OPALIN: variants seen among roughly 807,000 people sequenced by gnomAD.
OPALIN encodes oligodendrocytic myelin paranodal and inner loop protein, also known as transmembrane protein 10.
OPALIN carries 15 observed loss-of-function variants against 17.8 expected under a neutral mutation model. The ratio of observed to expected loss-of-function variants is 0.84; its 90% CI spans 0.56 to 1.29. The LOEUF (loss-of-function observed/expected upper bound fraction) is 1.29. OPALIN is among the 50% of genes most tolerant of loss of function. The pLI is 0.00. For synonymous variants in OPALIN, 62 were observed against 63.8 expected, an observed-to-expected ratio of 0.97 and a Z score of 0.14; for missense variants, 170 against 176.0, an observed-to-expected ratio of 0.97 and a Z score of 0.19.
intron 5 of OPALIN, among the ~76,000 whole-genome samples, chr10:96,347,622 C>T (rs1845390893): frequency 6.6e-6 from 1 of 151,650 alleles, no homozygotes; most frequent in East Asian, 1.9e-4. Flanking sequence ...CAGACGACCG[C>T]CACCACACCC....
At chr10:96,349,855 G>C in intron 3 of OPALIN, 29 bp from the exon 4 acceptor site, 1 of 1,592,406 alleles carries the variant, frequency 6.3e-7, no homozygotes, top group African/African-American at 1.4e-5. Flanking sequence ...CACAGGGTCA[G>C]AGGAAGCCCA....
Position 96,345,861 on chromosome 10 carries a change from A to T in OPALIN, c.*80T>A. The T allele has an allele frequency of 7.2e-7, 1 of 1,388,240 alleles. No individual in the cohort carries two copies. The highest frequency in any genetic ancestry group is 9.9e-7 in the Non-Finnish European group (1 of 1,006,022). 86.0% of individuals were successfully genotyped at this position (1,388,240 alleles called of 1,614,324 possible). On this transcript the variant is annotated 3_prime_UTR_variant, in exon 6 of 6. Coordinates refer to ENST00000371172, the MANE Select transcript of OPALIN (RefSeq NM_033207.5). ...TGGATTGATTAAGAAGCAGCTTGGC[A>T]TCTTTCCTCTCCAAGTACAAAACCC... is the stretch of plus-strand genomic sequence containing the variant.
chr10:96,353,518 G>T (rs1845675885), intron 2 of OPALIN: 2 of 1,187,622 alleles, frequency 1.7e-6, no homozygotes, highest in Non-Finnish European at 2.5e-6. Flanking sequence ...AAAGCAAAAT[G>T]GTTGGTTGCT....
At chr10:96,354,882 G>T (rs1342105914) in intron 2 of OPALIN, among the ~76,000 whole-genome samples, 2 of 150,400 alleles carry the variant, frequency 1.3e-5, no homozygotes, top group Admixed American at 6.6e-5. Flanking sequence ...GATCACCTGA[G>T]GTCAGGAGTT....
intron 5 of OPALIN, among the ~76,000 whole-genome samples, 200 bp downstream of exon 5, chr10:96,348,089 A>G (rs937081589): frequency 6.6e-6 from 1 of 152,150 alleles, no homozygotes; most frequent in Non-Finnish European, 1.5e-5. Flanking sequence ...TATTAAATTG[A>G]TTGTCTAATA....
Position 96,349,760 on chromosome 10 carries a change from C to A in OPALIN, c.139G>T (p.Ala47Ser). ...CGGTGAATCAAAGTAAATAGTAAAG[C>A]CACCAGCAGGGCTGTGGCCACCAGC... ...PLLVATALLV[A>S]LLFTLIHRRR... The change falls in exon 4 of 6, where the codon GCT (alanine) becomes TCT (serine). Residue 47 changes from alanine to serine, a missense_variant. Physicochemically the swap from Ala to Ser is moderately conservative, Grantham distance 99. Coordinates refer to ENST00000371172, the MANE Select transcript of OPALIN (RefSeq NM_033207.5). 6.2e-7 allele frequency: 1 copy of A among 1,614,012 alleles called. No homozygotes were observed. Among genetic ancestry groups the A allele is most frequent in the Non-Finnish European group, 8.5e-7 (1 of 1,179,932 alleles).
chr10:96,347,863 T>A (rs1269811218), intron 5 of OPALIN, among the ~76,000 whole-genome samples: 5 of 152,224 alleles, frequency 3.3e-5, no homozygotes, highest in Admixed American at 6.5e-5. Context: ...GATCCTTGTT[T>A]TATTTCTGAT....
chr10:96,351,286 C>A lies in OPALIN; in HGVS notation c.72+92G>T, dbSNP rs939277217. On this transcript the variant is annotated intron_variant, in intron 3 of 5. Transcript: ENST00000371172. ...CCAGATTCTGTGCTTAGTGACAGTT[C>A]ACCTATCAAACTTTAAAGCTCAAAA... 16 of 779,752 alleles carry A rather than the reference C, an allele frequency of 2.1e-5. No homozygotes were observed. In the African/African-American group the frequency reaches 2.9e-4, roughly 14 times the overall value. The allele number at this position is 779,752 out of a possible 1,614,324, so 48.3% of individuals were successfully genotyped here. A position where few individuals can be genotyped will look rare whatever the true frequency, so the allele number is the denominator to read the frequency against.
chr10:96,349,570 TG>T, intron 4 of OPALIN, 136 bp downstream of exon 4: 1 of 968,604 alleles, frequency 1.0e-6, no homozygotes, highest in Non-Finnish European at 1.5e-6. Flanking sequence ...GTGGAAATTA[TG>T]GCCCAGAAAC....
rs1845189708 is a variant in OPALIN at position 96,343,699 on chromosome 10, T to C, written c.*2242A>G. ...GGCTAAATCTGCTTGTTTAAGGTAA[T>C]TAGATCCAGAGGACTTGGCACAAAA... On this transcript the variant is annotated 3_prime_UTR_variant, in exon 6 of 6. Coordinates refer to ENST00000371172, the MANE Select transcript of OPALIN (RefSeq NM_033207.5). The C allele has an allele frequency of 6.6e-6, 1 of 152,202 alleles. No individual in the cohort carries two copies. 9.4% of individuals were successfully genotyped at this position (152,202 alleles called of 1,614,324 possible).
chr10:96,348,599 T>C (rs981268938), intron 4 of OPALIN, among the ~76,000 whole-genome samples: 3 of 152,172 alleles, frequency 2.0e-5, no homozygotes, highest in Non-Finnish European at 2.9e-5. Flanking sequence ...ATATTGGCCA[T>C]GGGTTAATAA....
intron 1 of OPALIN, among the ~76,000 whole-genome samples, chr10:96,356,428 C>G (rs1382273847): frequency 6.6e-6 from 1 of 152,218 alleles, no homozygotes; most frequent in Non-Finnish European, 1.5e-5. Flanking sequence ...TCATCTCTCT[C>G]AAAACCCTCA....
intron 1 of OPALIN, chr10:96,356,847 C>T (rs1845842579): frequency 1.0e-6 from 1 of 981,080 alleles, no homozygotes; most frequent in African/African-American, 1.8e-5. Flanking sequence ...TAGAGAATAA[C>T]CAAGCCTCAA....
chr10:96,346,560 T>C (rs565070781), intron 5 of OPALIN, among the ~76,000 whole-genome samples: 27 of 152,350 alleles, frequency 1.8e-4, no homozygotes, highest in African/African-American at 5.8e-4. Flanking sequence ...ATTGATATGG[T>C]TGGGTTTAAA....
At chr10:96,353,303 C>T (rs1157554796) in intron 2 of OPALIN, 1 of 1,405,748 alleles carries the variant, frequency 7.1e-7, no homozygotes, top group Non-Finnish European at 9.9e-7. Context: ...AGCAGGGAGC[C>T]CTGTTCCAAA....
At chr10:96,348,515 A>G (rs1177956949) in intron 4 of OPALIN, among the ~76,000 whole-genome samples, 170 bp from the exon 5 acceptor site, 1 of 152,200 alleles carries the variant, frequency 6.6e-6, no homozygotes, top group Non-Finnish European at 1.5e-5. Flanking sequence ...AAACCAAACC[A>G]AACCCATACC....
intron 4 of OPALIN, 65 bp from the exon 5 acceptor site, chr10:96,348,410 G>C (rs1845431098): frequency 1.0e-5 from 8 of 771,130 alleles, no homozygotes; most frequent in Non-Finnish European, 1.7e-5. Context: ...TATAGCATTT[G>C]ACCGTAACTA....
At chr10:96,347,719 C>T (rs976358114) in intron 5 of OPALIN, among the ~76,000 whole-genome samples, 5 of 151,750 alleles carry the variant, frequency 3.3e-5, no homozygotes, top group Admixed American at 1.3e-4. Context: ...ATGATTCACC[C>T]GCCTCAGCCT....
intron 2 of OPALIN, chr10:96,353,344 C>A: frequency 6.3e-7 from 1 of 1,586,932 alleles, no homozygotes; most frequent in African/African-American, 1.3e-5. Flanking sequence ...AGGTGCCCAC[C>A]TCTGTCCCAC....
Sources: gnomAD v4.1 joint callset for allele counts (sites outside exome capture counted in the v4.1 genomes callset) on GRCh38, gnomAD v4.1.1 for gene constraint, MANE v1.5 for transcripts, NCBI Gene and HGNC (gene_info 2026-07-23, HGNC 2026-07-21) for gene names.